ARSG: variants seen among roughly 807,000 people sequenced by gnomAD.
ARSG encodes the protein arylsulfatase G, also known as ASG.
ARSG carries 37 observed loss-of-function variants against 50.5 expected under a neutral mutation model. The observed-to-expected ratio is 0.73, with a 90% confidence interval of 0.56 to 0.96. The LOEUF (loss-of-function observed/expected upper bound fraction) is 0.96, where lower values mean the gene tolerates loss of function less well. Ranked by LOEUF, ARSG falls within the 50% of genes least tolerant of loss-of-function variation. The pLI, the probability that ARSG is intolerant of heterozygous loss-of-function variation, is 0.00. For synonymous variants in ARSG, 225 were observed against 254.6 expected (o/e 0.88, Z 1.11); for missense variants, 629 against 675.3 (o/e 0.93, Z 0.76).
chr17:68,287,995 T>C (rs1238924121), upstream of ARSG, among the ~76,000 whole-genome samples: 2 of 150,176 alleles, frequency 1.3e-5, no homozygotes, highest in South Asian at 2.1e-4. Context: ...CCTTTCTTTT[T>C]TTTTTTTTTT....
intron 9 of ARSG, among the ~76,000 whole-genome samples, chr17:68,388,943 A>AG: frequency 6.6e-6 from 1 of 151,454 alleles, no homozygotes; most frequent in Non-Finnish European, 1.5e-5. Flanking sequence ...AAAAAAAAAA[A>AG]AAGAAAAACA....
chr17:68,278,681 G>T (rs1453982758), intron 1 of ARSG, among the ~76,000 whole-genome samples: 1 of 136,194 alleles, frequency 7.3e-6, no homozygotes, highest in East Asian at 2.1e-4. Context: ...GTGTAGTTGT[G>T]TGATCTTGGC....
the ARSG span, among the ~76,000 whole-genome samples, chr17:68,433,041 G>A: frequency 6.6e-6 from 1 of 152,206 alleles, no homozygotes; most frequent in Non-Finnish European, 1.5e-5. Flanking sequence ...CAGTGGTGCT[G>A]CTGGCAACAA....
At position 68,399,747 on chromosome 17, in the gene ARSG, C is replaced by T. The variant is rs1050596975; in HGVS notation, c.1213-1613C>T. On this transcript the variant is annotated intron_variant, in intron 10 of 11. Coordinates refer to ENST00000621439, the MANE Select transcript of ARSG (RefSeq NM_001267727.2). The surrounding 1 kb of genome is among the most constrained non-coding windows in gnomAD (Gnocchi z 4.6). ...CCTCATGGAATTTCTGTGACTGAGA[C>T]GCAAGTACTGTGACTGATCTGAAGC... Among the ~76,000 whole-genome samples the T allele has an allele frequency of 2.6e-5, 4 of 152,286 alleles. No homozygotes were observed. The highest frequency in any genetic ancestry group is 1.9e-4 in the East Asian group (1 of 5,180).
At chr17:68,311,887 A>C in intron 2 of ARSG, among the ~76,000 whole-genome samples, 1 of 138,158 alleles carries the variant, frequency 7.2e-6, no homozygotes, top group African/African-American at 2.7e-5. Context: ...TGCAACCTCC[A>C]CCTCCCAGGT....
intron 11 of ARSG, 49 bp downstream of exon 11, chr17:68,401,499 G>T (rs755203895): frequency 5.8e-6 from 9 of 1,555,942 alleles, no homozygotes; most frequent in Non-Finnish European, 8.0e-6. Flanking sequence ...CAGCTGCACG[G>T]GGACCCCATG....
At chr17:68,321,878 C>T (rs1291504122) in intron 2 of ARSG, among the ~76,000 whole-genome samples, 1 of 152,122 alleles carries the variant, frequency 6.6e-6, no homozygotes, top group African/African-American at 2.4e-5. Context: ...CCCAGATAGA[C>T]TTGGGAGGAA....
chr17:68,360,907 C>G (rs986288081), intron 6 of ARSG, among the ~76,000 whole-genome samples: 1 of 152,188 alleles, frequency 6.6e-6, no homozygotes, highest in Non-Finnish European at 1.5e-5. Context: ...GCACTGCAAC[C>G]TCTGCCTCCT....
At chr17:68,290,921 CT>C (rs1555755645), upstream of ARSG, among the ~76,000 whole-genome samples, 1 of 29,652 alleles carries the variant, frequency 3.4e-5, no homozygotes, top group East Asian at 8.3e-4. Context: ...GCATTCCTAA[CT>C]GTCAGAGCGA....
Position 68,308,867 on chromosome 17 carries a change from C to T in ARSG, c.218+1156C>T, listed in dbSNP as rs187639350. On this transcript the variant is annotated intron_variant, in intron 2 of 11. Coordinates refer to ENST00000621439, the MANE Select transcript of ARSG (RefSeq NM_001267727.2). Reference sequence around the variant, plus strand: ...TGGCTTCACCCAGTGGATCCCGCACCGGCGCTGCAGGTGGAGCTGCCTGCC... The same window carrying T: ...TGGCTTCACCCAGTGGATCCCGCACTGGCGCTGCAGGTGGAGCTGCCTGCC... 2.5e-3 allele frequency among the ~76,000 whole-genome samples: 385 copies of T among 152,382 alleles called. 1 individual carries two copies. The highest frequency in any genetic ancestry group is 8.6e-3 in the African/African-American group (359 of 41,584).
the ARSG span, among the ~76,000 whole-genome samples, chr17:68,445,343 T>A: frequency 6.6e-6 from 1 of 152,216 alleles, no homozygotes; most frequent in African/African-American, 2.4e-5. Flanking sequence ...GTCTCCCTCC[T>A]ATATAAAAAT....
intron 11 of ARSG, chr17:68,414,112 G>C (rs1425632283): frequency 1.3e-5 from 2 of 156,802 alleles, no homozygotes; most frequent in African/African-American, 4.8e-5. Flanking sequence ...GACCGGAGCT[G>C]TTCCTATTCG....
At position 68,343,683 on chromosome 17, in the gene ARSG, A is replaced by C. The variant is rs200869419; in HGVS notation, c.298A>C (p.Asn100His). Residue 100 changes from asparagine to histidine, a missense_variant, in exon 3 of 12, where the codon AAT (asparagine) becomes CAT (histidine). Transcript: ENST00000621439. The part of the protein sequence containing the change: ...SLLTGRLGLR[N>H]GVTRNFAVTS... ...GCTCACCGGCCGGCTTGGCCTTCGC[A>C]ATGGAGTCACACGCAACTTTGCAGT... is the stretch of plus-strand genomic sequence containing the variant. The C allele has an allele frequency of 6.2e-7, 1 of 1,614,054 alleles. No individual in the cohort carries two copies. Among genetic ancestry groups the C allele is most frequent in the Non-Finnish European group, 8.5e-7 (1 of 1,180,008 alleles).
In ARSG at chr17:68,347,140, G is replaced by T; in HGVS notation, c.422G>T (p.Gly141Val). ...TTTTCTACAGGCAAATGGCATCTTGGACACCACGGCTCTTATCACCCCAAC... is the reference window on the plus strand; with the variant it reads ...TTTTCTACAGGCAAATGGCATCTTGTACACCACGGCTCTTATCACCCCAAC... ...VTGIIGKWHLGHHGSYHPNFR... is the reference protein window; with the variant it reads ...VTGIIGKWHLVHHGSYHPNFR... Residue 141 changes from glycine to valine, a missense_variant, in exon 4 of 12, where the codon GGA becomes GTA. Transcript: ENST00000621439. The T allele has an allele frequency of 6.2e-7, 1 of 1,614,052 alleles. No individual in the cohort carries two copies. The highest frequency in any genetic ancestry group is 8.5e-7 in the Non-Finnish European group (1 of 1,179,986).
In ARSG at chr17:68,368,636, G is replaced by A. The variant is rs766938333; in HGVS notation, c.793G>A (p.Gly265Ser). 19 of 1,614,112 alleles carry A rather than the reference G, an allele frequency of 1.2e-5. No homozygotes were observed. In the Middle Eastern group the frequency reaches 1.2e-3, roughly 98 times the overall value. The part of the protein sequence containing the change: ...PVTQLPAAPR[G>S]RSLYGAGLWE... ...GACTCAGCTACCAGCAGCGCCACGG[G>A]GCAGAAGCCTGTATGGTGCAGGGCT... Residue 265 changes from glycine (G) to serine (S), a missense_variant, in exon 7 of 12, where the codon GGC becomes AGC. Coordinates refer to ENST00000621439, the MANE Select transcript of ARSG (RefSeq NM_001267727.2).
chr17:68,363,420 G>A (rs62085868), intron 6 of ARSG, among the ~76,000 whole-genome samples: 7,961 of 152,160 alleles, frequency 0.052, 293 homozygotes, highest in Non-Finnish European at 0.076. Context: ...GAGGAGTTTG[G>A]ATTGACCCTG....
At position 68,414,125 on chromosome 17, in the gene ARSG, T is replaced by C. The variant is rs139609472; in HGVS notation, c.1304-6064T>C. Reference sequence around the variant, plus strand: ...TAGACCGGAGCTGTTCCTATTCGGCTATCTTGGCTCCTCCCCCTGGCTGTG... The same window carrying C: ...TAGACCGGAGCTGTTCCTATTCGGCCATCTTGGCTCCTCCCCCTGGCTGTG... On this transcript the variant is annotated intron_variant, in intron 11 of 11. Transcript: ENST00000621439. 169 of 154,842 alleles carry C rather than the reference T, an allele frequency of 1.1e-3. 4 individuals are homozygous for C. In the East Asian group the frequency reaches 0.022, roughly 20 times the overall value. The allele number at this position is 154,842 out of a possible 1,614,324, so 9.6% of individuals were successfully genotyped here. A position where few individuals can be genotyped will look rare whatever the true frequency, so the allele number is the denominator to read the frequency against.
chr17:68,368,692 C>T lies in ARSG; in HGVS notation c.849C>T (p.Ile283=). Residue 283 remains isoleucine (I), a synonymous_variant, in exon 7 of 12, where the codon ATC becomes ATT. Coordinates refer to ENST00000621439, the MANE Select transcript of ARSG (RefSeq NM_001267727.2). ...LWEMDSLVGQ[I]KDKVDHTVKE... ...AGATGGACAGTCTGGTGGGCCAGAT[C>T]AAGGACAAAGTTGACCACACAGTGA... 6.2e-7 allele frequency: 1 copy of T among 1,614,022 alleles called. No homozygotes were observed. The highest frequency in any genetic ancestry group is 8.5e-7 in the Non-Finnish European group (1 of 1,179,990).
chr17:68,284,364 A>C (rs956836190), intron 1 of ARSG, among the ~76,000 whole-genome samples: 1 of 152,186 alleles, frequency 6.6e-6, no homozygotes, highest in Non-Finnish European at 1.5e-5. Flanking sequence ...ACTGCACTCC[A>C]GTCTGGGTGA....
Sources: gnomAD v4.1 joint callset for allele counts (sites outside exome capture counted in the v4.1 genomes callset) on GRCh38, gnomAD v4.1.1 for gene constraint, Gnocchi (gnomAD v3.1) non-coding constraint, MANE v1.5 for transcripts, NCBI Gene and HGNC (gene_info 2026-07-23, HGNC 2026-07-21) for gene names.